MAEA: variants seen among roughly 807,000 people sequenced by gnomAD.
MAEA encodes the protein macrophage erythroblast attacher, E3 ubiquitin ligase, also known as E3 ubiquitin-protein transferase MAEA.
Under a neutral mutation model 46.2 loss-of-function variants are expected in MAEA, and 22 were observed. That is an observed-to-expected ratio of 0.48 (90% CI 0.34 to 0.68). The LOEUF is 0.68. MAEA is among the 30% of genes least tolerant of loss of function. The pLI is 0.01. For synonymous variants in MAEA, 246 were observed against 222.6 expected, an observed-to-expected ratio of 1.11 and a Z score of -0.94; for missense variants, 393 against 558.1, an observed-to-expected ratio of 0.70 and a Z score of 2.98.
chr4:1,328,979 T>C (rs1237490891), intron 5 of MAEA: 1 of 992,134 alleles, frequency 1.0e-6, no homozygotes, highest in Non-Finnish European at 1.2e-6. Flanking sequence ...GAGGAGGGGC[T>C]CCCGCTCTGC....
intron 5 of MAEA, chr4:1,330,259 C>A: frequency 2.2e-6 from 1 of 450,860 alleles, no homozygotes; most frequent in Non-Finnish European, 2.9e-6. Context: ...TGTCGCACAC[C>A]CACACCTCAG....
At chr4:1,328,900 C>A in intron 5 of MAEA, 1 of 1,013,528 alleles carries the variant, frequency 9.9e-7, no homozygotes, top group Non-Finnish European at 1.2e-6. Flanking sequence ...AAGCGGGGAT[C>A]TCGGGACCCG....
intron 3 of MAEA, among the ~76,000 whole-genome samples, chr4:1,318,285 G>A (rs1035761885): frequency 6.6e-6 from 1 of 152,238 alleles, no homozygotes; most frequent in South Asian, 2.1e-4. Context: ...TGAAGCATGA[G>A]CTGTGGGTGC....
At chr4:1,316,795 C>A (rs1024583799) in intron 3 of MAEA, among the ~76,000 whole-genome samples, 2 of 152,040 alleles carry the variant, frequency 1.3e-5, no homozygotes, top group Non-Finnish European at 2.9e-5. Context: ...TCCAAGGCCT[C>A]GGGTGCCCAT....
At position 1,312,040 on chromosome 4, in the gene MAEA, C is replaced by G. The variant is rs1375127229; in HGVS notation, c.131C>G (p.Thr44Ser). Residue 44 changes from threonine (T) to serine (S), a missense_variant, in exon 2 of 9, where the codon ACC becomes AGC. By Grantham distance (58) the Thr-to-Ser change is moderately conservative. Coordinates refer to ENST00000303400, the MANE Select transcript of MAEA (RefSeq NM_001017405.3). ...GCTCAGAAGAACATTGACCGGGAGA[C>G]CAGCCACGTCACCATGGTGGTGGCC... ...RAAQKNIDRE[T>S]SHVTMVVAEL... The G allele has an allele frequency of 6.2e-7, 1 of 1,613,920 alleles. No individual in the cohort carries two copies. The highest frequency in any genetic ancestry group is 8.5e-7 in the Non-Finnish European group (1 of 1,180,042).
intron 4 of MAEA, among the ~76,000 whole-genome samples, chr4:1,324,524 T>G (rs1738556133): frequency 6.7e-6 from 1 of 149,608 alleles, no homozygotes; most frequent in African/African-American, 2.5e-5. Flanking sequence ...TGGATGAGCG[T>G]GCCTGGTGTT....
At chr4:1,321,786 C>T (rs1011475402) in intron 3 of MAEA, among the ~76,000 whole-genome samples, 2 of 152,138 alleles carry the variant, frequency 1.3e-5, no homozygotes, top group African/African-American at 4.8e-5. Context: ...CCATGGGTTC[C>T]ACTGCTAGGC....
At chr4:1,333,885 ACCCCATGCCCAC>A (rs1431102125) in intron 6 of MAEA, among the ~76,000 whole-genome samples, 1 of 8,464 alleles carries the variant, frequency 1.2e-4, no homozygotes, top group Non-Finnish European at 2.2e-4. Flanking sequence ...CTCTGCACCC[ACCCCATGCCCAC>A]CCCCATGCCC....
At chr4:1,319,205 T>C (rs1737694180) in intron 3 of MAEA, among the ~76,000 whole-genome samples, 1 of 151,832 alleles carries the variant, frequency 6.6e-6, no homozygotes, top group Non-Finnish European at 1.5e-5. Context: ...TTTTTCAAAT[T>C]AGCTGGGAGT....
intron 7 of MAEA, chr4:1,338,146 G>A: frequency 2.4e-6 from 1 of 419,884 alleles, no homozygotes; most frequent in African/African-American, 2.0e-5. Context: ...TGGCCGGGGA[G>A]AGGGCGGCGG....
chr4:1,302,028 C>T (rs531896997), intron 1 of MAEA, among the ~76,000 whole-genome samples: 3 of 152,268 alleles, frequency 2.0e-5, no homozygotes, highest in African/African-American at 7.2e-5. Flanking sequence ...TAACCTTGAA[C>T]CAGACAAAGA....
chr4:1,321,844 T>G (rs1430846096), intron 3 of MAEA, among the ~76,000 whole-genome samples: 2 of 151,072 alleles, frequency 1.3e-5, no homozygotes, highest in African/African-American at 4.9e-5. Context: ...GACTTGATGC[T>G]AAGCCTGGGT....
At chr4:1,310,238 G>A (rs1405098068) in intron 1 of MAEA, among the ~76,000 whole-genome samples, 1 of 152,242 alleles carries the variant, frequency 6.6e-6, no homozygotes, top group South Asian at 2.1e-4. Context: ...AGGGCCTCGG[G>A]GGGGCCTTCC....
intron 1 of MAEA, among the ~76,000 whole-genome samples, chr4:1,306,213 T>C (rs905687581): frequency 1.3e-5 from 2 of 152,214 alleles, no homozygotes; most frequent in Non-Finnish European, 2.9e-5. Flanking sequence ...AATGGACCCA[T>C]AAAATTCACC....
At position 1,311,102 on chromosome 4, in the gene MAEA, G is replaced by A. The variant is rs1418188035; in HGVS notation, c.70-877G>A. ...TGGGCACGGCTGGAGAGGAGGCGAGGTGGAGCGCTTGTTCTGGCACAGCTG... is the reference window on the plus strand; with the variant it reads ...TGGGCACGGCTGGAGAGGAGGCGAGATGGAGCGCTTGTTCTGGCACAGCTG... On this transcript the variant is annotated intron_variant, in intron 1 of 8. Coordinates refer to ENST00000303400, the MANE Select transcript of MAEA (RefSeq NM_001017405.3). This position sits in a 1 kb window ranked among gnomAD's most constrained non-coding sequence, Gnocchi z 4.4. Among the ~76,000 whole-genome samples the A allele has an allele frequency of 6.6e-6, 1 of 152,224 alleles. No individual in the cohort carries two copies. The highest frequency in any genetic ancestry group is 1.5e-5 in the Non-Finnish European group (1 of 68,040).
rs867475677 is a variant in MAEA, at chr4:1,289,972, C to A, written c.59C>A (p.Pro20Gln). Reference sequence around the variant, plus strand: ...ATGACCCTGAAGGTCCAGGAGTACCCGACCCTCAAGGTGGGCGCCTGCGCC... The same window carrying A: ...ATGACCCTGAAGGTCCAGGAGTACCAGACCCTCAAGGTGGGCGCCTGCGCC... ...LSMTLKVQEY[P>Q]TLKVPYETLN... is the part of the protein sequence containing the mutation. Residue 20 changes from proline to glutamine, a missense_variant, in exon 1 of 9, where the codon CCG (proline) becomes CAG (glutamine). This residue lies in a region of MAEA where 358 missense variants were observed against 537.9 expected (regional missense o/e 0.67). Coordinates refer to ENST00000303400, the MANE Select transcript of MAEA (RefSeq NM_001017405.3). 6.3e-7 allele frequency: 1 copy of A among 1,593,872 alleles called. No individual in the cohort carries two copies. Among genetic ancestry groups the A allele is most frequent in the East Asian group, 2.3e-5 (1 of 43,328 alleles).
chr4:1,318,576 G>T (rs999321144), intron 3 of MAEA, among the ~76,000 whole-genome samples: 1 of 152,162 alleles, frequency 6.6e-6, no homozygotes, highest in African/African-American at 2.4e-5. Context: ...ACTGGGTTGC[G>T]GGGGAGGGGT....
intron 8 of MAEA, 60 bp downstream of exon 8, chr4:1,338,677 G>A (rs1406805445): frequency 6.6e-7 from 1 of 1,503,764 alleles, no homozygotes; most frequent in Non-Finnish European, 9.0e-7. Flanking sequence ...ACAGGGCTGT[G>A]TGGGACGGGC....
intron 1 of MAEA, among the ~76,000 whole-genome samples, chr4:1,294,885 G>C (rs554365754): frequency 6.6e-6 from 1 of 152,164 alleles, no homozygotes; most frequent in Admixed American, 6.5e-5. Context: ...GCTGGTTGGC[G>C]GAGCTAAGTT....
Sources: gnomAD v4.1 joint callset for allele counts (sites outside exome capture counted in the v4.1 genomes callset) on GRCh38, gnomAD v4.1.1 for gene constraint, gnomAD v4.1.1 regional missense constraint, Gnocchi (gnomAD v3.1) non-coding constraint, MANE v1.5 for transcripts, NCBI Gene and HGNC (gene_info 2026-07-23, HGNC 2026-07-21) for gene names.